Variants in UBL3 observed in about 807,000 individuals in gnomAD.
The protein encoded by UBL3 is ubiquitin like 3.
A neutral mutation model predicts 18.4 loss-of-function variants in UBL3; 6 were observed. The ratio of observed to expected loss-of-function variants is 0.33; its 90% confidence interval spans 0.18 to 0.64. The LOEUF (loss-of-function observed/expected upper bound fraction) is 0.64. Among genes scored for constraint, UBL3 ranks in the 30% least tolerant of loss-of-function variants. UBL3 has a pLI of 0.76. For missense variants in UBL3, 109 were observed against 142.9 expected (o/e 0.76, Z 1.21); for synonymous variants, 49 against 46.6 (o/e 1.05, Z -0.21).
At chr13:29,809,226 T>C (rs1173311835) in intron 1 of UBL3, among the ~76,000 whole-genome samples, 1 of 152,014 alleles carries the variant, frequency 6.6e-6, no homozygotes, top group Non-Finnish European at 1.5e-5. Flanking sequence ...GGTCCTAGAA[T>C]AGGGAACCTG....
chr13:29,824,327 A>G (rs1878559606), intron 1 of UBL3, among the ~76,000 whole-genome samples: 1 of 152,214 alleles, frequency 6.6e-6, no homozygotes, highest in Admixed American at 6.5e-5. Flanking sequence ...TCCCACCAAC[A>G]CTGTAAAAGT....
chr13:29,789,020 C>T (rs1877416852), intron 1 of UBL3, among the ~76,000 whole-genome samples: 2 of 152,038 alleles, frequency 1.3e-5, no homozygotes, highest in South Asian at 4.2e-4. Flanking sequence ...CTGCCTCAGC[C>T]TCTCAAGTGG....
chr13:29,778,823 T>C (rs898174382), intron 1 of UBL3, among the ~76,000 whole-genome samples: 1 of 152,238 alleles, frequency 6.6e-6, no homozygotes, highest in Non-Finnish European at 1.5e-5. Flanking sequence ...CATTTCTGGA[T>C]TCAATGTAAT....
chr13:29,801,586 TTC>T (rs2139333088), intron 1 of UBL3, among the ~76,000 whole-genome samples: 1 of 152,122 alleles, frequency 6.6e-6, no homozygotes, highest in East Asian at 1.9e-4. Context: ...GGCTCAGCAT[TTC>T]TCTGATTTCG....
In UBL3 at chr13:29,764,497, G is replaced by A. The variant is rs749532675; in HGVS notation, c.*2758C>T. 3 of 152,154 alleles carry A rather than the reference G, an allele frequency of 2.0e-5. No individual in the cohort carries two copies. Among genetic ancestry groups the A allele is most frequent in the Admixed American group, 6.5e-5 (1 of 15,274 alleles). The allele number at this position is 152,154 out of a possible 1,614,324, so 9.4% of individuals were successfully genotyped here. Reference sequence around the variant, plus strand: ...CAGAAATTACTGTAACATTGGTCACGATGACTTCATAAAACTAAAGATAAA... The same window carrying A: ...CAGAAATTACTGTAACATTGGTCACAATGACTTCATAAAACTAAAGATAAA... On this transcript the variant is annotated 3_prime_UTR_variant, in exon 5 of 5. Coordinates refer to ENST00000380680, the MANE Select transcript of UBL3 (RefSeq NM_007106.4).
chr13:29,767,207 C>A lies in UBL3; in HGVS notation c.*48G>T. Reference sequence around the variant, plus strand: ...CAATGTCGGGTCTTTTCTGTCCCAGCAGCATGAAAGACAAAGACTATATCA... The same window carrying A: ...CAATGTCGGGTCTTTTCTGTCCCAGAAGCATGAAAGACAAAGACTATATCA... On this transcript the variant is annotated 3_prime_UTR_variant, in exon 5 of 5. Coordinates refer to ENST00000380680, the MANE Select transcript of UBL3 (RefSeq NM_007106.4). 6.2e-7 allele frequency: 1 copy of A among 1,602,996 alleles called. No individual in the cohort carries two copies. The highest frequency in any genetic ancestry group is 8.5e-7 in the Non-Finnish European group (1 of 1,172,534).
intron 1 of UBL3, among the ~76,000 whole-genome samples, chr13:29,783,942 G>A (rs1242739598): frequency 6.6e-6 from 1 of 152,154 alleles, no homozygotes; most frequent in East Asian, 1.9e-4. Flanking sequence ...AAGTTCCTAA[G>A]AGATGGCATT....
intron 1 of UBL3, among the ~76,000 whole-genome samples, chr13:29,843,312 A>G (rs1304169130): frequency 1.3e-5 from 2 of 152,234 alleles, no homozygotes. Context: ...TATTTTAACT[A>G]TCAACTATTT....
intron 1 of UBL3, among the ~76,000 whole-genome samples, chr13:29,791,777 A>C (rs1483513883): frequency 6.6e-6 from 1 of 151,986 alleles, no homozygotes; most frequent in African/African-American, 2.4e-5. Flanking sequence ...GCCCCCTTTC[A>C]CTCTCAAAAG....
chr13:29,811,708 A>G (rs1215273832), intron 1 of UBL3, among the ~76,000 whole-genome samples: 1 of 152,128 alleles, frequency 6.6e-6, no homozygotes, highest in Non-Finnish European at 1.5e-5. Context: ...ATAATGAAAA[A>G]TACCTGGCTG....
chr13:29,781,005 C>A (rs768296210), intron 1 of UBL3, among the ~76,000 whole-genome samples: 12 of 152,132 alleles, frequency 7.9e-5, no homozygotes, highest in Non-Finnish European at 1.5e-4. Context: ...GAAACCCGGT[C>A]TCTAATAAAA....
intron 4 of UBL3, 77 bp from the exon 5 acceptor site, chr13:29,767,384 A>C: frequency 6.6e-7 from 1 of 1,520,562 alleles, no homozygotes; most frequent in Non-Finnish European, 9.0e-7. Flanking sequence ...AATCAAGTGT[A>C]GGAAGTAGTA....
chr13:29,775,943 T>G (rs1301159521), intron 2 of UBL3, among the ~76,000 whole-genome samples: 15 of 151,842 alleles, frequency 9.9e-5, no homozygotes, highest in African/African-American at 2.9e-4. Flanking sequence ...AAAAAAAAAA[T>G]CAAAGAAAAT....
intron 1 of UBL3, among the ~76,000 whole-genome samples, chr13:29,831,773 A>G (rs1238464781): frequency 1.3e-5 from 2 of 152,054 alleles, no homozygotes; most frequent in Admixed American, 1.3e-4. Context: ...GTAAAACAAA[A>G]AGCTTAGCAG....
chr13:29,808,505 A>C (rs961904894), intron 1 of UBL3, among the ~76,000 whole-genome samples: 2 of 152,120 alleles, frequency 1.3e-5, no homozygotes, highest in Non-Finnish European at 2.9e-5. Flanking sequence ...GACATCCTAG[A>C]CATGCCACTT....
chr13:29,780,377 T>C (rs1462331596), intron 1 of UBL3, among the ~76,000 whole-genome samples: 1 of 75,566 alleles, frequency 1.3e-5, no homozygotes, highest in African/African-American at 4.0e-5. Flanking sequence ...AATATATATA[T>C]ATATATATAT....
intron 1 of UBL3, among the ~76,000 whole-genome samples, chr13:29,806,818 T>C (rs544999879): frequency 9.9e-5 from 15 of 152,256 alleles, no homozygotes; most frequent in Non-Finnish European, 2.1e-4. Context: ...TGCAAACTCA[T>C]AATTCACTTT....
intron 1 of UBL3, among the ~76,000 whole-genome samples, chr13:29,820,596 A>C (rs1416279781): frequency 6.6e-6 from 1 of 152,182 alleles, no homozygotes; most frequent in African/African-American, 2.4e-5. Context: ...AAATAGTATT[A>C]AACATTTAAA....
rs568819082 is a variant in UBL3, at chr13:29,783,810, A to G, written c.28-6547T>C. ...AGGGTAATGGGATCCTTGACACATC[A>G]ATAATGGGTTAAAAATAAGACTTAT... On this transcript the variant is annotated intron_variant, in intron 1 of 4. Transcript: ENST00000380680. 2.4e-3 allele frequency among the ~76,000 whole-genome samples: 364 copies of G among 152,270 alleles called. 4 individuals carry two copies. Among genetic ancestry groups the G allele is most frequent in the African/African-American group, 8.3e-3 (346 of 41,574 alleles).
Sources: allele counts gnomAD v4.1 joint callset (sites outside exome capture counted in the v4.1 genomes callset), GRCh38; gene constraint gnomAD v4.1.1; transcripts MANE v1.5; gene names NCBI Gene and HGNC (gene_info 2026-07-23, HGNC 2026-07-21).